Variants in DNM3 observed in about 807,000 individuals in gnomAD.
DNM3 encodes the protein dynamin 3.
Under a neutral mutation model 101.6 loss-of-function variants are expected in DNM3, and 47 were observed. That is an observed-to-expected ratio of 0.46 (90% CI 0.37 to 0.59). The LOEUF is 0.59. DNM3 is among the 20% of genes least tolerant of loss of function. The pLI is 0.00. For synonymous variants in DNM3, 385 were observed against 387.9 expected, an observed-to-expected ratio of 0.99 and a Z score of 0.09; for missense variants, 849 against 1,085.7, an observed-to-expected ratio of 0.78 and a Z score of 3.06.
At chr1:171,945,745 G>C (rs2042134257) in intron 2 of DNM3, among the ~76,000 whole-genome samples, 1 of 152,092 alleles carries the variant, frequency 6.6e-6, no homozygotes, top group South Asian at 2.1e-4. Context: ...CTAAGATTGG[G>C]AATAATGGGG....
intron 20 of DNM3, among the ~76,000 whole-genome samples, chr1:172,398,869 T>C (rs1343843710): frequency 6.6e-6 from 1 of 152,220 alleles, no homozygotes; most frequent in East Asian, 1.9e-4. Flanking sequence ...AAATTTAAAA[T>C]GTGGGTGTAC....
In DNM3 at chr1:172,409,964, C is replaced by T; in HGVS notation, c.*2123C>T. The T allele has an allele frequency of 1.8e-5, 18 of 985,626 alleles. No homozygotes were observed. Among genetic ancestry groups the T allele is most frequent in the Non-Finnish European group, 2.2e-5 (18 of 829,836 alleles). The allele number at this position is 985,626 out of a possible 1,614,324, so 61.1% of individuals were successfully genotyped here. A position where few individuals can be genotyped will look rare whatever the true frequency, so the allele number is the denominator to read the frequency against. On this transcript the variant is annotated 3_prime_UTR_variant, in exon 21 of 21. Coordinates refer to ENST00000627582, the MANE Select transcript of DNM3 (RefSeq NM_015569.5). ...AAATTGGAGATTTTTTTCCAATTTTCCTTCCACTGATCTTAGGCAGTAATA... is the reference window on the plus strand; with the variant it reads ...AAATTGGAGATTTTTTTCCAATTTTTCTTCCACTGATCTTAGGCAGTAATA...
intron 2 of DNM3, among the ~76,000 whole-genome samples, chr1:171,961,927 T>C (rs1571849174): frequency 6.6e-6 from 1 of 152,194 alleles, no homozygotes; most frequent in Admixed American, 6.5e-5. Flanking sequence ...GAAAAGGAAT[T>C]TATTTTTCAC....
At chr1:172,004,732 T>C (rs116077886) in intron 4 of DNM3, among the ~76,000 whole-genome samples, 2,287 of 152,050 alleles carry the variant, frequency 0.015, 54 homozygotes, top group African/African-American at 0.052. Flanking sequence ...CTGTGGAGCA[T>C]GGGAGAATAT....
chr1:171,955,898 GA>G (rs2042822613), intron 2 of DNM3, among the ~76,000 whole-genome samples: 1 of 152,164 alleles, frequency 6.6e-6, no homozygotes, highest in Non-Finnish European at 1.5e-5. Flanking sequence ...CAGACAAGAG[GA>G]GAGAGGTTGT....
At chr1:172,325,167 A>G (rs60660308) in intron 17 of DNM3, among the ~76,000 whole-genome samples, 1 of 152,150 alleles carries the variant, frequency 6.6e-6, no homozygotes, top group Non-Finnish European at 1.5e-5. Context: ...CAAGTCACTA[A>G]ATACAATGAG....
At chr1:172,382,066 A>G (rs985872822) in intron 18 of DNM3, among the ~76,000 whole-genome samples, 10 of 152,192 alleles carry the variant, frequency 6.6e-5, no homozygotes, top group African/African-American at 2.4e-4. Flanking sequence ...TCAAATCTCC[A>G]TATGGAATTG....
At chr1:172,399,242 C>T (rs1052121317) in intron 20 of DNM3, among the ~76,000 whole-genome samples, 15 of 152,254 alleles carry the variant, frequency 9.9e-5, no homozygotes, top group East Asian at 3.9e-4. Flanking sequence ...TCTGACAAGC[C>T]GCTGAGTAGA....
chr1:172,120,178 C>T (rs1316164086), intron 13 of DNM3, among the ~76,000 whole-genome samples: 3 of 152,132 alleles, frequency 2.0e-5, no homozygotes, highest in South Asian at 2.1e-4. Flanking sequence ...TCATGTTCTA[C>T]GTGGCTGGGG....
intron 16 of DNM3, 71 bp from the exon 17 acceptor site, chr1:172,323,258 A>G: frequency 6.9e-7 from 1 of 1,457,492 alleles, no homozygotes; most frequent in Non-Finnish European, 9.3e-7. Context: ...AGAAGAAAAA[A>G]CCCTCATAAT....
At chr1:171,907,097 C>T (rs1407935464) in intron 1 of DNM3, among the ~76,000 whole-genome samples, 1 of 152,234 alleles carries the variant, frequency 6.6e-6, no homozygotes, top group Non-Finnish European at 1.5e-5. Context: ...CTAGGCTTCC[C>T]TGATGTTTTG....
At chr1:172,359,470 G>A (rs556638503) in intron 17 of DNM3, among the ~76,000 whole-genome samples, 1 of 151,648 alleles carries the variant, frequency 6.6e-6, no homozygotes, top group African/African-American at 2.4e-5. Flanking sequence ...TTTGAGATTG[G>A]CATTTAAAAC....
chr1:172,039,723 G>A (rs1455476860), intron 7 of DNM3, among the ~76,000 whole-genome samples: 3 of 151,766 alleles, frequency 2.0e-5, no homozygotes, highest in Admixed American at 2.0e-4. Context: ...CTTCTTTATG[G>A]CCCTATTCTT....
intron 17 of DNM3, among the ~76,000 whole-genome samples, chr1:172,347,153 A>G (rs1359777146): frequency 6.6e-6 from 1 of 151,814 alleles, no homozygotes; most frequent in Non-Finnish European, 1.5e-5. Flanking sequence ...ACAGAATTTA[A>G]TTTTCCTGGG....
chr1:172,336,845 T>G (rs1385269909), intron 17 of DNM3, among the ~76,000 whole-genome samples: 1 of 152,184 alleles, frequency 6.6e-6, no homozygotes, highest in African/African-American at 2.4e-5. Flanking sequence ...GCTAACTAGT[T>G]GGGTGACTTT....
intron 20 of DNM3, among the ~76,000 whole-genome samples, chr1:172,396,034 G>A (rs753272238): frequency 6.6e-5 from 10 of 152,202 alleles, no homozygotes; most frequent in Non-Finnish European, 1.2e-4. Flanking sequence ...AGGTATTTGC[G>A]CCGTCTCCTC....
At chr1:171,898,099 G>C (rs933077534) in intron 1 of DNM3, among the ~76,000 whole-genome samples, 1 of 152,044 alleles carries the variant, frequency 6.6e-6, no homozygotes, top group Non-Finnish European at 1.5e-5. Flanking sequence ...GTTGTATTTG[G>C]CAAGAACTTC....
At chr1:171,914,955 A>G (rs878912472) in intron 1 of DNM3, among the ~76,000 whole-genome samples, 1 of 152,112 alleles carries the variant, frequency 6.6e-6, no homozygotes, top group Admixed American at 6.5e-5. Flanking sequence ...CCCAGAGAAG[A>G]TGACATGCAG....
intron 14 of DNM3, among the ~76,000 whole-genome samples, chr1:172,167,311 G>A (rs2058785293): frequency 6.6e-6 from 1 of 152,000 alleles, no homozygotes; most frequent in Non-Finnish European, 1.5e-5. Flanking sequence ...TCTTAATCCA[G>A]TCTATCATTG....
Sources: allele counts gnomAD v4.1 joint callset (sites outside exome capture counted in the v4.1 genomes callset), GRCh38; gene constraint gnomAD v4.1.1; transcripts MANE v1.5; gene names NCBI Gene and HGNC (gene_info 2026-07-23, HGNC 2026-07-21).